Variants in CHAF1A observed in about 807,000 individuals in gnomAD.
The protein encoded by CHAF1A is CAF-1 subunit A.
CHAF1A carries 5 observed loss-of-function variants against 93.2 expected under a neutral mutation model. The ratio of observed to expected loss-of-function variants is 0.05; its 90% CI spans 0.03 to 0.11. CHAF1A has a LOEUF of 0.11. Among genes scored for constraint, CHAF1A ranks in the 10% least tolerant of loss-of-function variants. The pLI is 1.00. For synonymous variants in CHAF1A, 504 were observed against 510.3 expected (o/e 0.99, Z 0.17); for missense variants, 1,102 against 1,259.9 (o/e 0.87, Z 1.90).
intron 7 of CHAF1A, among the ~76,000 whole-genome samples, chr19:4,426,964 C>G (rs1245675779): frequency 2.0e-5 from 3 of 150,828 alleles, no homozygotes; most frequent in African/African-American, 7.3e-5. Flanking sequence ...TGGTGGTAGG[C>G]GTCTGTAATC....
At chr19:4,446,954 T>C, downstream of CHAF1A, 1 of 1,593,840 alleles carries the variant, frequency 6.3e-7, no homozygotes, top group Non-Finnish European at 8.6e-7. Context: ...TGGGGGCCCC[T>C]GGCTTCCTCC....
intron 7 of CHAF1A, among the ~76,000 whole-genome samples, chr19:4,428,458 C>T (rs986817503): frequency 1.3e-5 from 2 of 152,166 alleles, no homozygotes; most frequent in African/African-American, 4.8e-5. Context: ...TCTGTCCCCC[C>T]ACCGCCGGCC....
At position 4,411,644 on chromosome 19, in the gene CHAF1A, C is replaced by CTTTTTTT. The variant is rs66491258; in HGVS notation, c.960+1900_960+1906dup. On this transcript the variant is annotated intron_variant, in intron 3 of 14. Transcript: ENST00000301280. ...GAAATGTTGTAAAAATGGTGCAAAT[C>CTTTTTTT]TTTTTTTTTTTTTTTTTTTTTGAGA... Among the ~76,000 whole-genome samples the CTTTTTTT allele has an allele frequency of 1.1e-3, 52 of 48,168 alleles. 11 individuals are homozygous for CTTTTTTT. Among genetic ancestry groups the CTTTTTTT allele is most frequent in the South Asian group, 3.2e-3 (4 of 1,268 alleles). 31.6% of individuals were successfully genotyped at this position (48,168 alleles called of 152,430 possible).
chr19:4,443,213 A>G lies in CHAF1A; in HGVS notation c.*188A>G, dbSNP rs1158943716. On this transcript the variant is annotated 3_prime_UTR_variant, in exon 15 of 15. Transcript: ENST00000301280. The stretch of plus-strand genomic sequence containing the variant: ...GTAAAAATTCCCCCAAGAGCCGCAT[A>G]TGAATCTGCCCTTTAATAAAGCATT... The G allele has an allele frequency of 3.3e-6, 2 of 612,128 alleles. No individual in the cohort carries two copies. Among genetic ancestry groups the G allele is most frequent in the Non-Finnish European group, 6.0e-6 (2 of 334,402 alleles). 37.9% of individuals were successfully genotyped at this position (612,128 alleles called of 1,614,324 possible).
At chr19:4,450,749 ACT>A in the CHAF1A span, 1 of 103,846 alleles carries the variant, frequency 9.6e-6, no homozygotes, top group South Asian at 4.2e-4. Context: ...ACAGAGCGAG[ACT>A]CTGTCTCAAA....
chr19:4,435,321 G>T (rs926227179), intron 13 of CHAF1A, among the ~76,000 whole-genome samples: 1 of 151,310 alleles, frequency 6.6e-6, no homozygotes, highest in African/African-American at 2.4e-5. Context: ...CTCGTGATCC[G>T]CCCGCCTTAG....
downstream of CHAF1A, chr19:4,445,824 GCACGTCACCGCTCC>G: frequency 4.8e-6 from 5 of 1,036,354 alleles, no homozygotes; most frequent in Non-Finnish European, 6.8e-6. Flanking sequence ...ACTAGCTAAC[GCACGTCACCGCTCC>G]CATTTGATGG....
intron 10 of CHAF1A, 79 bp from the exon 11 acceptor site, chr19:4,430,470 G>T: frequency 2.1e-6 from 2 of 946,692 alleles, no homozygotes; most frequent in Admixed American, 1.8e-5. Flanking sequence ...GAGCCACTGC[G>T]CCTGGCCTAC....
At position 4,435,703 on chromosome 19, in the gene CHAF1A, G is replaced by A. The variant is rs921084300; in HGVS notation, c.2673+2164G>A. Among the ~76,000 whole-genome samples the A allele has an allele frequency of 5.3e-5, 8 of 152,124 alleles. No individual in the cohort carries two copies. In the South Asian group the frequency reaches 1.2e-3, roughly 24 times the overall value. Reference sequence around the variant, plus strand: ...TTGATTTCTAATATCTACACTTAACGCAGACCTATCTGTCCCTGTGAACCT... The same window carrying A: ...TTGATTTCTAATATCTACACTTAACACAGACCTATCTGTCCCTGTGAACCT... On this transcript the variant is annotated intron_variant, in intron 13 of 14. Coordinates refer to ENST00000301280, the MANE Select transcript of CHAF1A (RefSeq NM_005483.3).
chr19:4,416,098 C>T (rs1973892805), intron 3 of CHAF1A, among the ~76,000 whole-genome samples: 1 of 152,044 alleles, frequency 6.6e-6, no homozygotes. Flanking sequence ...CGCTTGAACC[C>T]GGGAGGCGGA....
chr19:4,442,694 G>A (rs1343291925), intron 14 of CHAF1A, among the ~76,000 whole-genome samples: 1 of 152,232 alleles, frequency 6.6e-6, no homozygotes, highest in African/African-American at 2.4e-5. Context: ...AGCAGGCTGC[G>A]TGGGAGGAGT....
downstream of CHAF1A, chr19:4,447,226 T>C (rs1001305564): frequency 3.5e-6 from 2 of 572,008 alleles, no homozygotes; most frequent in Non-Finnish European, 6.3e-6. Context: ...GTCCCTGCCC[T>C]TTCCCCCAGA....
At chr19:4,445,528 C>G, downstream of CHAF1A, 14 of 1,613,966 alleles carry the variant, frequency 8.7e-6, no homozygotes, top group Non-Finnish European at 1.2e-5. Flanking sequence ...CTGACAGGAG[C>G]TCGGGTTTCA....
downstream of CHAF1A, chr19:4,447,664 G>A: frequency 6.2e-7 from 1 of 1,607,932 alleles, no homozygotes; most frequent in Non-Finnish European, 8.5e-7. Flanking sequence ...CACAGCCCAG[G>A]CTGCCCACCC....
chr19:4,446,081 C>A, downstream of CHAF1A: 2 of 1,612,704 alleles, frequency 1.2e-6, no homozygotes, highest in Non-Finnish European at 1.7e-6. Flanking sequence ...AGGTTCTCGT[C>A]CTCGGACAGC....
downstream of CHAF1A, chr19:4,446,580 C>T (rs368841367): frequency 5.3e-5 from 86 of 1,612,594 alleles, no homozygotes; most frequent in South Asian, 8.3e-4. Flanking sequence ...AGGCCAGGGG[C>T]GAGGGCTGGA....
At chr19:4,432,239 G>T (rs768098761) in intron 12 of CHAF1A, 32 bp downstream of exon 12, 12 of 1,565,156 alleles carry the variant, frequency 7.7e-6, no homozygotes, top group South Asian at 1.1e-5. Flanking sequence ...CCACCCACCT[G>T]TTCCTGGGCC....
chr19:4,412,043 C>G (rs1719672199), intron 3 of CHAF1A, among the ~76,000 whole-genome samples: 1 of 152,170 alleles, frequency 6.6e-6, no homozygotes, highest in African/African-American at 2.4e-5. Context: ...GGTACTAAGC[C>G]TAGTACCCTC....
At chr19:4,429,167 C>G in intron 8 of CHAF1A, 3 of 591,112 alleles carry the variant, frequency 5.1e-6, no homozygotes, top group Non-Finnish European at 9.0e-6. Context: ...CTCGCTCTTG[C>G]AAATCTCATT....
Sources: allele counts gnomAD v4.1 joint callset (sites outside exome capture counted in the v4.1 genomes callset), GRCh38; gene constraint gnomAD v4.1.1; transcripts MANE v1.5; gene names NCBI Gene and HGNC (gene_info 2026-07-23, HGNC 2026-07-21).